Variants in TMEM117 observed in about 807,000 individuals in gnomAD.
The protein encoded by TMEM117 is transmembrane protein 117.
In TMEM117, 27 loss-of-function variants were observed where a neutral mutation model predicts 52.4. That is an observed-to-expected ratio of 0.51 (90% CI 0.38 to 0.71). The LOEUF (loss-of-function observed/expected upper bound fraction) is 0.71, where lower values mean the gene tolerates loss of function less well. Among genes scored for constraint, TMEM117 ranks in the 30% least tolerant of loss-of-function variants. The pLI is 0.00. For missense variants in TMEM117, 556 were observed against 630.5 expected, an observed-to-expected ratio of 0.88 and a Z score of 1.26; for synonymous variants, 215 against 206.3, an observed-to-expected ratio of 1.04 and a Z score of -0.36.
chr12:44,331,653 A>G (rs911328063), intron 6 of TMEM117, among the ~76,000 whole-genome samples: 2 of 152,150 alleles, frequency 1.3e-5, no homozygotes, highest in Non-Finnish European at 2.9e-5. Flanking sequence ...ATGATGCAGT[A>G]AAGTTCATTT....
At chr12:44,306,674 T>A (rs1400486573) in intron 6 of TMEM117, among the ~76,000 whole-genome samples, 6 of 152,212 alleles carry the variant, frequency 3.9e-5, no homozygotes. Context: ...GATTAGTGCA[T>A]TGCAGTTTTA....
chr12:44,324,185 A>G (rs2138707125), intron 6 of TMEM117, among the ~76,000 whole-genome samples: 1 of 152,190 alleles, frequency 6.6e-6, no homozygotes, highest in African/African-American at 2.4e-5. Flanking sequence ...AAGGAAAAGG[A>G]GGTGAGACAT....
At chr12:44,339,957 A>G (rs986296359) in intron 6 of TMEM117, among the ~76,000 whole-genome samples, 4 of 152,080 alleles carry the variant, frequency 2.6e-5, no homozygotes, top group Non-Finnish European at 5.9e-5. Flanking sequence ...AGCTATGGAA[A>G]GTCTGCAATG....
intron 3 of TMEM117, among the ~76,000 whole-genome samples, chr12:44,129,871 C>T (rs189663402): frequency 1.3e-5 from 2 of 152,238 alleles, no homozygotes; most frequent in East Asian, 3.9e-4. Context: ...ACATTATAGG[C>T]ACTCATTACA....
chr12:44,205,947 C>T (rs1404623560), intron 4 of TMEM117, among the ~76,000 whole-genome samples: 1 of 152,074 alleles, frequency 6.6e-6, no homozygotes, highest in Non-Finnish European at 1.5e-5. Context: ...GAGACCCTAA[C>T]CCAGAGAAGC....
At chr12:44,177,311 T>C (rs901209736) in intron 4 of TMEM117, among the ~76,000 whole-genome samples, 1 of 152,206 alleles carries the variant, frequency 6.6e-6, no homozygotes, top group Non-Finnish European at 1.5e-5. Context: ...TTTTCTTCTT[T>C]ACACAAAAAA....
At chr12:44,145,851 G>T (rs912332980) in intron 4 of TMEM117, among the ~76,000 whole-genome samples, 1 of 152,166 alleles carries the variant, frequency 6.6e-6, no homozygotes, top group African/African-American at 2.4e-5. Flanking sequence ...CAGGACCTAG[G>T]AGCTGAAGTT....
intron 4 of TMEM117, among the ~76,000 whole-genome samples, chr12:44,180,688 A>AT (rs1291581007): frequency 4.6e-5 from 7 of 151,902 alleles, no homozygotes; most frequent in Non-Finnish European, 8.8e-5. Flanking sequence ...TGAACTCATC[A>AT]TTTTTTATGG....
intron 5 of TMEM117, among the ~76,000 whole-genome samples, chr12:44,262,427 G>C (rs1394849151): frequency 6.6e-6 from 1 of 152,196 alleles, no homozygotes; most frequent in Non-Finnish European, 1.5e-5. Flanking sequence ...CAGTAAAACA[G>C]AGAAGTCTGT....
intron 5 of TMEM117, among the ~76,000 whole-genome samples, chr12:44,258,422 T>C (rs188969581): frequency 1.8e-3 from 278 of 152,222 alleles, no homozygotes; most frequent in Non-Finnish European, 3.2e-3. Context: ...CATTCACTTA[T>C]GGAAAACATT....
intron 6 of TMEM117, among the ~76,000 whole-genome samples, chr12:44,362,947 G>C (rs1951741901): frequency 6.6e-6 from 1 of 151,858 alleles, no homozygotes; most frequent in African/African-American, 2.4e-5. Flanking sequence ...CTGCCTCCCA[G>C]GTTCAAGTGA....
At chr12:43,883,311 C>G (rs1283267452) in intron 2 of TMEM117, among the ~76,000 whole-genome samples, 2 of 152,104 alleles carry the variant, frequency 1.3e-5, no homozygotes, top group African/African-American at 4.8e-5. Flanking sequence ...TATTTCTTGT[C>G]TTTTTCTGTT....
chr12:44,261,002 A>G (rs1478307741), intron 5 of TMEM117, among the ~76,000 whole-genome samples: 3 of 152,260 alleles, frequency 2.0e-5, no homozygotes, highest in African/African-American at 4.8e-5. Flanking sequence ...ACTGATAACT[A>G]TGTCCTTTAC....
intron 3 of TMEM117, among the ~76,000 whole-genome samples, chr12:44,118,790 G>A (rs191942587): frequency 6.1e-4 from 93 of 152,178 alleles, no homozygotes; most frequent in African/African-American, 2.2e-3. Flanking sequence ...ACTTAATGCA[G>A]TTTATTTTTT....
chr12:44,338,850 G>T (rs934594427), intron 6 of TMEM117, among the ~76,000 whole-genome samples: 2 of 152,060 alleles, frequency 1.3e-5, no homozygotes, highest in Non-Finnish European at 2.9e-5. Flanking sequence ...GCTAGTTTAA[G>T]TAGAAAGGGC....
intron 4 of TMEM117, among the ~76,000 whole-genome samples, chr12:44,157,543 A>G (rs968042272): frequency 6.6e-6 from 1 of 152,136 alleles, no homozygotes; most frequent in Non-Finnish European, 1.5e-5. Flanking sequence ...TGATACCAAG[A>G]CTGTATAATC....
chr12:44,377,452 T>A (rs1023963374), intron 7 of TMEM117, among the ~76,000 whole-genome samples: 13 of 152,190 alleles, frequency 8.5e-5, no homozygotes, highest in African/African-American at 3.1e-4. Flanking sequence ...CTTAAGTGAT[T>A]CTCTTGTGGA....
chr12:44,049,401 A>T (rs1459512005), intron 3 of TMEM117, among the ~76,000 whole-genome samples: 1 of 151,924 alleles, frequency 6.6e-6, no homozygotes, highest in East Asian at 1.9e-4. Flanking sequence ...AACATCACAC[A>T]CCCAGGGCCT....
At chr12:43,987,021 C>T (rs1320762690) in intron 3 of TMEM117, among the ~76,000 whole-genome samples, 1 of 152,092 alleles carries the variant, frequency 6.6e-6, no homozygotes, top group Admixed American at 6.6e-5. Context: ...TCGTTGAAGC[C>T]CCAGCCCCCA....
Sources: allele counts gnomAD v4.1 joint callset (sites outside exome capture counted in the v4.1 genomes callset), GRCh38; gene constraint gnomAD v4.1.1; transcripts MANE v1.5; gene names NCBI Gene and HGNC (gene_info 2026-07-23, HGNC 2026-07-21).